The following CD48 variants were observed in gnomAD, a reference collection of about 807,000 sequenced individuals.
CD48 encodes CD48 antigen.
A neutral mutation model predicts 22.0 loss-of-function variants in CD48; 20 were observed. That is an observed-to-expected ratio of 0.91 (90% CI 0.64 to 1.32). The LOEUF (loss-of-function observed/expected upper bound fraction) is 1.32. Ranked by LOEUF, CD48 falls within the 40% of genes most tolerant of loss-of-function variation. The pLI is 0.00. For missense variants in CD48, 307 were observed against 286.5 expected (o/e 1.07, Z -0.52); for synonymous variants, 110 against 110.1 (o/e 1.00, Z 0.01).
chr1:160,705,763 T>C (rs1170641161), intron 1 of CD48, among the ~76,000 whole-genome samples: 1 of 152,234 alleles, frequency 6.6e-6, no homozygotes, highest in Non-Finnish European at 1.5e-5. Flanking sequence ...CTTGACATTA[T>C]TGACATTTTG....
intron 1 of CD48, among the ~76,000 whole-genome samples, chr1:160,707,883 G>A (rs1027701483): frequency 2.0e-5 from 3 of 152,008 alleles, no homozygotes; most frequent in Admixed American, 6.6e-5. Flanking sequence ...TTCACTCATC[G>A]AATAACTATG....
chr1:160,680,093 G>A (rs1661739138), intron 3 of CD48, among the ~76,000 whole-genome samples: 1 of 152,220 alleles, frequency 6.6e-6, no homozygotes, highest in South Asian at 2.1e-4. Flanking sequence ...AGGGTAGACA[G>A]AGCCCAGGAA....
intron 1 of CD48, among the ~76,000 whole-genome samples, chr1:160,685,732 C>T (rs1661974642): frequency 1.3e-5 from 2 of 152,136 alleles, no homozygotes; most frequent in South Asian, 4.1e-4. Flanking sequence ...GGGAAAGCTT[C>T]CCCTTCACCT....
chr1:160,684,745 G>T (rs781097176), intron 2 of CD48, 142 bp downstream of exon 2: 1 of 1,596,818 alleles, frequency 6.3e-7, no homozygotes, highest in Non-Finnish European at 8.5e-7. Context: ...AATAGAATTG[G>T]ATCAAGGAAA....
intron 1 of CD48, among the ~76,000 whole-genome samples, chr1:160,694,158 T>C (rs893731269): frequency 6.6e-6 from 1 of 152,276 alleles, no homozygotes. Flanking sequence ...AGCTCTTCAA[T>C]TCCTTGGAGT....
intron 1 of CD48, among the ~76,000 whole-genome samples, chr1:160,689,223 C>G (rs1005818698): frequency 9.2e-5 from 14 of 152,140 alleles, no homozygotes; most frequent in Non-Finnish European, 2.1e-4. Context: ...TATTTATAAT[C>G]TATGGTAACA....
chr1:160,708,001 C>T (rs568174554), intron 1 of CD48, among the ~76,000 whole-genome samples: 1 of 152,046 alleles, frequency 6.6e-6, no homozygotes, highest in Non-Finnish European at 1.5e-5. Flanking sequence ...CAGATGATTT[C>T]GCTATTGGTG....
At chr1:160,682,103 T>G (rs981993701) in intron 2 of CD48, among the ~76,000 whole-genome samples, 1 of 152,100 alleles carries the variant, frequency 6.6e-6, no homozygotes, top group African/African-American at 2.4e-5. Flanking sequence ...ACATGGCAGG[T>G]ATTCTATAAG....
chr1:160,705,776 C>T (rs1348609259), intron 1 of CD48, among the ~76,000 whole-genome samples: 3 of 152,106 alleles, frequency 2.0e-5, no homozygotes, highest in Non-Finnish European at 2.9e-5. Flanking sequence ...ACATTTTGGG[C>T]CACATAATTC....
chr1:160,705,234 C>T (rs1662754102), intron 1 of CD48, among the ~76,000 whole-genome samples: 1 of 152,194 alleles, frequency 6.6e-6, no homozygotes, highest in South Asian at 2.1e-4. Flanking sequence ...AGCACTTACC[C>T]TGTCCTGGTT....
chr1:160,682,457 C>CA (rs71579678), intron 2 of CD48, among the ~76,000 whole-genome samples: 10,136 of 52,980 alleles, frequency 0.19, 515 homozygotes, highest in African/African-American at 0.26. Flanking sequence ...AGAAGACCTT[C>CA]AAAAAAAAAA....
intron 1 of CD48, among the ~76,000 whole-genome samples, chr1:160,701,158 A>T (rs1420848514): frequency 8.9e-6 from 1 of 112,970 alleles, no homozygotes; most frequent in African/African-American, 3.1e-5. Flanking sequence ...TCACAATCTG[A>T]TTTATGTAAA....
chr1:160,684,675 G>A lies in CD48; in HGVS notation c.385+212C>T, dbSNP rs963918984. Reference sequence around the variant, plus strand: ...AAGCTTAGACTCACTAACTTCAGAAGAGGTGTTAAATGTCCTAAGATTGTT... The same window carrying A: ...AAGCTTAGACTCACTAACTTCAGAAAAGGTGTTAAATGTCCTAAGATTGTT... On this transcript the variant is annotated intron_variant, in intron 2 of 3. Transcript: ENST00000368046. The A allele has an allele frequency of 2.1e-5, 29 of 1,412,470 alleles. No homozygotes were observed. The African/African-American group carries it at 2.4e-4, about 12-fold the overall frequency. 87.5% of individuals were successfully genotyped at this position (1,412,470 alleles called of 1,614,324 possible). A position where few individuals can be genotyped will look rare whatever the true frequency, so the allele number is the denominator to read the frequency against.
intron 1 of CD48, 78 bp from the exon 2 acceptor site, chr1:160,685,267 G>T (rs1661959990): frequency 1.9e-6 from 2 of 1,058,442 alleles, no homozygotes; most frequent in Admixed American, 2.5e-5. Context: ...GCCTGGGCTG[G>T]TGGAACAGGT....
chr1:160,705,039 C>T (rs1190565346), intron 1 of CD48, among the ~76,000 whole-genome samples: 6 of 152,242 alleles, frequency 3.9e-5, no homozygotes, highest in South Asian at 2.1e-4. Context: ...CATATGCTGC[C>T]GCACAAAAAC....
chr1:160,708,049 G>A (rs1281244867), intron 1 of CD48, among the ~76,000 whole-genome samples: 1 of 152,174 alleles, frequency 6.6e-6, no homozygotes, highest in Admixed American at 6.5e-5. Flanking sequence ...AATGCTTAGA[G>A]GGCATATAAA....
At chr1:160,693,514 A>G (rs1304763022) in intron 1 of CD48, among the ~76,000 whole-genome samples, 1 of 152,300 alleles carries the variant, frequency 6.6e-6, no homozygotes, top group Admixed American at 6.5e-5. Context: ...GAACATTTGG[A>G]GGAAAATGTT....
chr1:160,695,476 CA>C (rs1288726525), intron 1 of CD48, among the ~76,000 whole-genome samples: 1 of 152,174 alleles, frequency 6.6e-6, no homozygotes, highest in Non-Finnish European at 1.5e-5. Flanking sequence ...AATTAAGCCA[CA>C]AAAAATAGAA....
At chr1:160,680,845 C>A (rs898448505) in intron 3 of CD48, 120 of 1,311,768 alleles carry the variant, frequency 9.1e-5, no homozygotes, top group Non-Finnish European at 1.1e-4. Context: ...CAGCTGCTCG[C>A]CCACTTGCCC....
Sources: gnomAD v4.1 joint callset for allele counts (sites outside exome capture counted in the v4.1 genomes callset) on GRCh38, gnomAD v4.1.1 for gene constraint, MANE v1.5 for transcripts, NCBI Gene and HGNC (gene_info 2026-07-23, HGNC 2026-07-21) for gene names.